FAM13C: variants seen among roughly 807,000 people sequenced by gnomAD.
The protein encoded by FAM13C is protein FAM13C.
In FAM13C, 37 loss-of-function variants were observed where a neutral mutation model predicts 73.2. That is an observed-to-expected ratio of 0.51 (90% CI 0.39 to 0.67). The LOEUF is 0.67. Ranked by LOEUF, FAM13C falls within the 30% of genes least tolerant of loss-of-function variation. FAM13C has a pLI of 0.00. For synonymous variants in FAM13C, 246 were observed against 260.9 expected (o/e 0.94, Z 0.55); for missense variants, 589 against 715.6 (o/e 0.82, Z 2.02).
chr10:59,306,386 A>C (rs1031957440), intron 4 of FAM13C, among the ~76,000 whole-genome samples: 2 of 152,220 alleles, frequency 1.3e-5, no homozygotes, highest in Admixed American at 1.3e-4. Flanking sequence ...CATCAAAGGT[A>C]CTTTAATTTA....
intron 7 of FAM13C, among the ~76,000 whole-genome samples, chr10:59,269,320 A>G (rs944725874): frequency 4.6e-5 from 7 of 152,126 alleles, no homozygotes; most frequent in Non-Finnish European, 8.8e-5. Context: ...TTAATTATAC[A>G]TCAAAATTAT....
rs1845044980 is a variant in FAM13C, at chr10:59,282,527, G to C, written c.592+836C>G. On this transcript the variant is annotated intron_variant, in intron 6 of 13. Transcript: ENST00000618804. The stretch of plus-strand genomic sequence containing the variant: ...TACAATTGCTAATGGTACTGAAACA[G>C]ATTACCTGTGTAAATCTTTGCCTTC... 3 of 152,152 alleles carry C rather than the reference G, an allele frequency of 2.0e-5. No individual in the cohort carries two copies. In the South Asian group the frequency reaches 6.2e-4, roughly 31 times the overall value. 9.4% of individuals were successfully genotyped at this position (152,152 alleles called of 1,614,324 possible). A position where few individuals can be genotyped will look rare whatever the true frequency, so the allele number is the denominator to read the frequency against.
At chr10:59,354,633 A>G (rs908117537) in intron 2 of FAM13C, among the ~76,000 whole-genome samples, 7 of 152,242 alleles carry the variant, frequency 4.6e-5, no homozygotes, top group African/African-American at 1.7e-4. Flanking sequence ...CCAAGGCTGC[A>G]ACCCAATAAA....
chr10:59,329,586 T>C lies in FAM13C; in HGVS notation c.325-5480A>G, dbSNP rs1851691572. Among the ~76,000 whole-genome samples, 3 of 149,644 alleles carry C rather than the reference T, an allele frequency of 2.0e-5. No homozygotes were observed. In the South Asian group the frequency reaches 6.2e-4, roughly 31 times the overall value. The stretch of plus-strand genomic sequence containing the variant: ...GTTGGCCAGTCTGGTCTGGAACTCC[T>C]GACCTCAGGTGATCCACCTGCCTTG... On this transcript the variant is annotated intron_variant, in intron 3 of 13. Transcript: ENST00000618804.
intron 5 of FAM13C, among the ~76,000 whole-genome samples, chr10:59,290,828 G>A (rs1407596083): frequency 6.6e-6 from 1 of 152,226 alleles, no homozygotes; most frequent in East Asian, 1.9e-4. Context: ...CATTGTATCT[G>A]AGTTTTGTCT....
chr10:59,347,386 A>G (rs1038955408), intron 3 of FAM13C, among the ~76,000 whole-genome samples: 1 of 152,192 alleles, frequency 6.6e-6, no homozygotes, highest in Admixed American at 6.5e-5. Flanking sequence ...TCAAACTAAA[A>G]TTTGAATCTG....
chr10:59,304,834 C>CGGGGGAGGGGGA (rs1251595428), intron 4 of FAM13C, among the ~76,000 whole-genome samples: 3 of 33,642 alleles, frequency 8.9e-5, no homozygotes, highest in Admixed American at 3.2e-4. Flanking sequence ...GGGGAGGGGG[C>CGGGGGAGGGGGA]GGGGGAGGGG....
Position 59,280,089 on chromosome 10 carries a change from T to C in FAM13C, c.592+3274A>G, listed in dbSNP as rs1372169383. Among the ~76,000 whole-genome samples, 5 of 152,182 alleles carry C rather than the reference T, an allele frequency of 3.3e-5. No homozygotes were observed. The East Asian group carries it at 9.6e-4, about 29-fold the overall frequency. On this transcript the variant is annotated intron_variant, in intron 6 of 13. Transcript: ENST00000618804. ...CTTCAACATATATTTTAATAAGTTGTTGGGGAAACACAAAGACTCAGTCTA... is the reference window on the plus strand; with the variant it reads ...CTTCAACATATATTTTAATAAGTTGCTGGGGAAACACAAAGACTCAGTCTA...
intron 8 of FAM13C, among the ~76,000 whole-genome samples, chr10:59,266,662 TAA>T (rs1843103185): frequency 1.3e-5 from 2 of 152,192 alleles, no homozygotes; most frequent in African/African-American, 2.4e-5. Context: ...TATGTGTATT[TAA>T]GTCTATGTTT....
rs1252628424 is a variant in FAM13C, at chr10:59,247,597, A to G, written c.*17T>C. 3 of 1,613,066 alleles carry G rather than the reference A, an allele frequency of 1.9e-6. No individual in the cohort carries two copies. The highest frequency in any genetic ancestry group is 3.3e-5 in the Admixed American group (2 of 59,968). On this transcript the variant is annotated 3_prime_UTR_variant, in exon 14 of 14. Transcript: ENST00000618804. ...CTTTATATCATGGGTGAAAGTGATC[A>G]TAACATTTCCTGAACCTCAAATAGT... is the stretch of plus-strand genomic sequence containing the variant.
At chr10:59,306,613 T>C (rs1848288629) in intron 4 of FAM13C, among the ~76,000 whole-genome samples, 1 of 152,196 alleles carries the variant, frequency 6.6e-6, no homozygotes, top group African/African-American at 2.4e-5. Flanking sequence ...TTGTGTCTCA[T>C]GCCTGCAATC....
At chr10:59,335,644 A>G (rs1852621782) in intron 3 of FAM13C, among the ~76,000 whole-genome samples, 2 of 152,226 alleles carry the variant, frequency 1.3e-5, no homozygotes, top group Admixed American at 1.3e-4. Context: ...AGTCCCTAAC[A>G]ACAGATGCAG....
At chr10:59,264,675 T>C (rs1189883095) in intron 8 of FAM13C, among the ~76,000 whole-genome samples, 1 of 152,202 alleles carries the variant, frequency 6.6e-6, no homozygotes, top group African/African-American at 2.4e-5. Context: ...TTATCAGTTA[T>C]ATCCTCTAAG....
At chr10:59,316,709 A>G (rs1849570686) in intron 4 of FAM13C, among the ~76,000 whole-genome samples, 1 of 152,192 alleles carries the variant, frequency 6.6e-6, no homozygotes, top group Non-Finnish European at 1.5e-5. Context: ...TAAACATACA[A>G]AGGTACAGCA....
chr10:59,350,622 GATC>G (rs1177766563), intron 3 of FAM13C, among the ~76,000 whole-genome samples: 2 of 152,192 alleles, frequency 1.3e-5, no homozygotes, highest in Non-Finnish European at 2.9e-5. Flanking sequence ...CTCTGTTTAA[GATC>G]ATCACAACAC....
intron 3 of FAM13C, among the ~76,000 whole-genome samples, chr10:59,334,585 A>T (rs1852473943): frequency 6.6e-6 from 1 of 152,188 alleles, no homozygotes. Context: ...GCCATAAAAA[A>T]GGATGAGTTC....
intron 5 of FAM13C, among the ~76,000 whole-genome samples, chr10:59,287,825 C>T (rs768719345): frequency 6.6e-6 from 1 of 152,150 alleles, no homozygotes; most frequent in South Asian, 2.1e-4. Flanking sequence ...ATCTCCAAAC[C>T]CCAAAGGCTG....
At chr10:59,265,322 C>G (rs868540632) in intron 8 of FAM13C, among the ~76,000 whole-genome samples, 8,400 of 17,476 alleles carry the variant, frequency 0.48, 1,776 homozygotes, top group Middle Eastern at 0.57. Flanking sequence ...GGGGTTTTGG[C>G]GGGGGGGGGG....
chr10:59,347,683 C>T, intron 3 of FAM13C, among the ~76,000 whole-genome samples: 1 of 152,000 alleles, frequency 6.6e-6, no homozygotes, highest in Non-Finnish European at 1.5e-5. Context: ...CCCTAGCCCC[C>T]CACCCCGCAA....
Sources: gnomAD v4.1 joint callset for allele counts (sites outside exome capture counted in the v4.1 genomes callset) on GRCh38, gnomAD v4.1.1 for gene constraint, MANE v1.5 for transcripts, NCBI Gene and HGNC (gene_info 2026-07-23, HGNC 2026-07-21) for gene names.